The following SMARCAD1 variants were observed in gnomAD, a reference collection of about 807,000 sequenced individuals.
SMARCAD1 encodes SWI/SNF-related matrix-associated actin-dependent regulator of chromatin subfamily A containing DEAD/H box 1.
A neutral mutation model predicts 127.1 loss-of-function variants in SMARCAD1; 25 were observed. The observed-to-expected ratio is 0.20, with a 90% CI of 0.14 to 0.27. SMARCAD1 has a LOEUF of 0.27. Ranked by LOEUF, SMARCAD1 falls within the 10% of genes least tolerant of loss-of-function variation. The pLI, the probability that SMARCAD1 is intolerant of heterozygous loss-of-function variation, is 1.00. For synonymous variants in SMARCAD1, 400 were observed against 396.9 expected (o/e 1.01, Z -0.09); for missense variants, 807 against 1,206.0 (o/e 0.67, Z 4.90).
At chr4:94,238,261 A>G (rs762108398) in intron 5 of SMARCAD1, among the ~76,000 whole-genome samples, 2 of 152,116 alleles carry the variant, frequency 1.3e-5, no homozygotes, top group Admixed American at 1.3e-4. Context: ...GTGTATCAAG[A>G]TTCTTTTTTG....
At chr4:94,237,131 G>A in intron 5 of SMARCAD1, 113 bp downstream of exon 5, 1 of 895,080 alleles carries the variant, frequency 1.1e-6, no homozygotes, top group Non-Finnish European at 1.8e-6. Context: ...ATTCTTACAG[G>A]AATTTGTGAG....
intron 6 of SMARCAD1, among the ~76,000 whole-genome samples, chr4:94,248,020 C>G (rs921029669): frequency 3.3e-5 from 5 of 152,074 alleles, no homozygotes; most frequent in African/African-American, 4.8e-5. Flanking sequence ...TTCTTGTGTT[C>G]CCCAGTGTCT....
At chr4:94,246,609 G>A (rs1367743981) in intron 6 of SMARCAD1, among the ~76,000 whole-genome samples, 2 of 152,148 alleles carry the variant, frequency 1.3e-5, no homozygotes, top group Non-Finnish European at 2.9e-5. Context: ...CGAAAGTGGT[G>A]GGCCTCAGAG....
rs1230643946 is a variant in SMARCAD1 at position 94,278,635 on chromosome 4, C to T, written c.2198C>T (p.Pro733Leu). The change falls in exon 18 of 24, where the codon CCC (proline) becomes CTC (leucine). Residue 733 changes from proline to leucine, a missense_variant. By Grantham distance (98) the Pro-to-Leu change is moderately conservative. Coordinates refer to ENST00000354268, the MANE Select transcript of SMARCAD1 (RefSeq NM_020159.5). ...VKEEVLKQLPPKKDRIELCAM... is the reference protein window; with the variant it reads ...VKEEVLKQLPLKKDRIELCAM... ...TCTCAGGTTCTCAAGCAGTTACCCC[C>T]CAAGAAAGATCGAATTGAGTTGTGT... 6.8e-6 allele frequency: 11 copies of T among 1,613,848 alleles called. No homozygotes were observed. The highest frequency in any genetic ancestry group is 8.5e-6 in the Non-Finnish European group (10 of 1,179,978).
chr4:94,285,101 TTATC>T (rs61050998), intron 23 of SMARCAD1, 32 bp downstream of exon 23: 783,403 of 1,344,414 alleles, frequency 0.58, 231,918 homozygotes, highest in East Asian at 0.75. Context: ...ACTTCAATAT[TTATC>T]TATATGACCA....
intron 14 of SMARCAD1, 88 bp from the exon 15 acceptor site, chr4:94,276,250 TA>T: frequency 2.1e-6 from 3 of 1,439,814 alleles, no homozygotes; most frequent in Non-Finnish European, 9.6e-7. Context: ...AATGTGTAAA[TA>T]AAAAATGATT....
intron 7 of SMARCAD1, among the ~76,000 whole-genome samples, chr4:94,250,496 G>T (rs1280043903): frequency 6.6e-6 from 1 of 152,014 alleles, no homozygotes; most frequent in African/African-American, 2.4e-5. Flanking sequence ...TGATCCTCTA[G>T]TGTTCACAGT....
chr4:94,283,936 G>T (rs1174592236), intron 22 of SMARCAD1, among the ~76,000 whole-genome samples: 2 of 152,120 alleles, frequency 1.3e-5, no homozygotes, highest in Admixed American at 1.3e-4. Flanking sequence ...ATACAAACTT[G>T]CTGGGCTGTC....
At chr4:94,227,873 T>C (rs1745260639) in intron 3 of SMARCAD1, among the ~76,000 whole-genome samples, 2 of 152,128 alleles carry the variant, frequency 1.3e-5, no homozygotes, top group African/African-American at 2.4e-5. Context: ...ATGAAATCAG[T>C]GTAAGGGACA....
At chr4:94,248,799 G>A (rs1363871028) in intron 6 of SMARCAD1, among the ~76,000 whole-genome samples, 9 of 152,158 alleles carry the variant, frequency 5.9e-5, no homozygotes, top group Admixed American at 6.5e-5. Flanking sequence ...ATTGTGCAGA[G>A]GAGGTATCAG....
rs1287753324 is a variant in SMARCAD1, at chr4:94,270,891, A to G, written c.1572+73A>G. The G allele has an allele frequency of 6.9e-6, 10 of 1,441,316 alleles. No individual in the cohort carries two copies. In the East Asian group the frequency reaches 1.6e-4, roughly 23 times the overall value. The allele number at this position is 1,441,316 out of a possible 1,614,324, so 89.3% of individuals were successfully genotyped here. A position where few individuals can be genotyped will look rare whatever the true frequency, so the allele number is the denominator to read the frequency against. On this transcript the variant is annotated intron_variant, in intron 11 of 23. Transcript: ENST00000354268. ...AGGTATTCTTGCTGTCATTTAAAAC[A>G]TGAAACTTTTTTTTGCTACTGTAGT...
rs1755438055 is a variant in SMARCAD1, at chr4:94,289,639, T to C, written c.*105T>C. ...GGGTTTATGAACATTTATAACTTTT[T>C]ATAATTTCCATATTACATTTCTCAT... On this transcript the variant is annotated 3_prime_UTR_variant, in exon 24 of 24. Coordinates refer to ENST00000354268, the MANE Select transcript of SMARCAD1 (RefSeq NM_020159.5). The C allele has an allele frequency of 1.8e-6, 2 of 1,086,138 alleles. No homozygotes were observed. Among genetic ancestry groups the C allele is most frequent in the Middle Eastern group, 2.0e-4 (1 of 4,962 alleles). 67.3% of individuals were successfully genotyped at this position (1,086,138 alleles called of 1,614,324 possible).
intron 11 of SMARCAD1, 146 bp from the exon 12 acceptor site, chr4:94,273,471 A>G: frequency 1.6e-6 from 1 of 645,148 alleles, no homozygotes. Context: ...TTGAGAACTA[A>G]GAACATAGTA....
chr4:94,261,251 G>A (rs1750932747), intron 9 of SMARCAD1, among the ~76,000 whole-genome samples: 1 of 151,716 alleles, frequency 6.6e-6, no homozygotes, highest in Admixed American at 6.6e-5. Context: ...AATAATGGTT[G>A]TGTGACTTAC....
chr4:94,208,591 T>A lies in SMARCAD1; in HGVS notation c.190+7T>A. The A allele has an allele frequency of 6.2e-7, 1 of 1,613,266 alleles. No homozygotes were observed. The highest frequency in any genetic ancestry group is 8.5e-7 in the Non-Finnish European group (1 of 1,179,230). ...GATATAACTGAAAAAACAGGTGAGT[T>A]ACAATGTTAAAATTGATGTAACATC... is the stretch of plus-strand genomic sequence containing the variant. On this transcript the variant is annotated splice_region_variant and intron_variant, in intron 2 of 23. Coordinates refer to ENST00000354268, the MANE Select transcript of SMARCAD1 (RefSeq NM_020159.5).
rs766641134 is a variant in SMARCAD1 at position 94,277,196 on chromosome 4, T to C, written c.2082+37T>C. 5.0e-6 allele frequency: 8 copies of C among 1,611,228 alleles called. No homozygotes were observed. The African/African-American group carries it at 5.3e-5, about 11-fold the overall frequency. ...TGCATATTTTCTCCCAAATATGTTA[T>C]TTGTGTTTTATCTGGGCCATTCTTC... On this transcript the variant is annotated intron_variant, in intron 16 of 23. Transcript: ENST00000354268.
In SMARCAD1 at chr4:94,260,593, C is replaced by T. The variant is rs550617708; in HGVS notation, c.1282-4114C>T. Reference sequence around the variant, plus strand: ...CTCAAGTGATCCACCTGCCTCGGCCCCAAAAGTGCTGAGATTACAGGCGTG... The same window carrying T: ...CTCAAGTGATCCACCTGCCTCGGCCTCAAAAGTGCTGAGATTACAGGCGTG... On this transcript the variant is annotated intron_variant, in intron 9 of 23. Coordinates refer to ENST00000354268, the MANE Select transcript of SMARCAD1 (RefSeq NM_020159.5). Among the ~76,000 whole-genome samples the T allele has an allele frequency of 6.5e-3, 987 of 152,128 alleles. 14 individuals carry two copies. Among genetic ancestry groups the T allele is most frequent in the African/African-American group, 0.023 (938 of 41,506 alleles).
intron 2 of SMARCAD1, among the ~76,000 whole-genome samples, chr4:94,224,668 G>C (rs1361310260): frequency 6.6e-6 from 1 of 152,148 alleles, no homozygotes; most frequent in East Asian, 1.9e-4. Context: ...AATAATGATT[G>C]TTATAATTTA....
Position 94,278,954 on chromosome 4 carries a change from C to G in SMARCAD1, c.2322C>G (p.Val774=). 6.2e-7 allele frequency: 1 copy of G among 1,613,956 alleles called. No individual in the cohort carries two copies. The highest frequency in any genetic ancestry group is 1.1e-5 in the South Asian group (1 of 91,054). ...NLEKNTEMCN[V]MMQLRKMANH... is the part of the protein sequence containing the mutation. ...AAAAAAACACAGAAATGTGCAATGT[C>G]ATGATGCAGTTGAGGAAAATGGCCA... Residue 774 remains valine (V), a synonymous_variant, in exon 19 of 24, where the codon GTC becomes GTG. Transcript: ENST00000354268.
Sources: gnomAD v4.1 joint callset for allele counts (sites outside exome capture counted in the v4.1 genomes callset) on GRCh38, gnomAD v4.1.1 for gene constraint, MANE v1.5 for transcripts, NCBI Gene and HGNC (gene_info 2026-07-23, HGNC 2026-07-21) for gene names.